Variants in HPS3 observed in about 807,000 individuals in gnomAD.
HPS3 encodes the protein BLOC-2 complex member HPS3.
HPS3 carries 79 observed loss-of-function variants against 110.9 expected under a neutral mutation model. The ratio of observed to expected loss-of-function variants is 0.71; its 90% CI spans 0.59 to 0.86. HPS3 has a LOEUF of 0.86. Ranked by LOEUF, HPS3 falls within the 40% of genes least tolerant of loss-of-function variation. The pLI, the probability that HPS3 is intolerant of heterozygous loss-of-function variation, is 0.00. For synonymous variants in HPS3, 428 were observed against 451.0 expected (o/e 0.95, Z 0.65); for missense variants, 1,197 against 1,206.2 (o/e 0.99, Z 0.11).
At chr3:149,169,979 G>A (rs935540530) in intron 16 of HPS3, among the ~76,000 whole-genome samples, 9 of 152,222 alleles carry the variant, frequency 5.9e-5, no homozygotes, top group African/African-American at 2.2e-4. Flanking sequence ...GCTGGTGAGT[G>A]GAGTAGAGCA....
At chr3:149,137,746 T>G (rs1207418905) in intron 1 of HPS3, among the ~76,000 whole-genome samples, 3 of 152,208 alleles carry the variant, frequency 2.0e-5, no homozygotes, top group Non-Finnish European at 4.4e-5. Context: ...ATGGTTCAAC[T>G]TACATGAGGT....
At chr3:149,152,143 T>C (rs1576680121) in intron 6 of HPS3, among the ~76,000 whole-genome samples, 1 of 152,348 alleles carries the variant, frequency 6.6e-6, no homozygotes, top group East Asian at 1.9e-4. Context: ...GATACACACA[T>C]GGCCTTTTTG....
chr3:149,162,827 G>A lies in HPS3; in HGVS notation c.2430G>A (p.Leu810=), dbSNP rs544198427. 1.4e-5 allele frequency: 22 copies of A among 1,614,070 alleles called. 1 individual carries two copies. The South Asian group carries it at 2.4e-4, about 18-fold the overall frequency. Residue 810 remains leucine, a synonymous_variant, in exon 13 of 17, where the codon TTG becomes TTA. Transcript: ENST00000296051. ...FKLTSQYIWR[L]SKRQPPDTTP... Reference sequence around the variant, plus strand: ...TCACATCACAGTACATCTGGAGATTGTCTAAGAGGCAGCCTCCTGACACCA... The same window carrying A: ...TCACATCACAGTACATCTGGAGATTATCTAAGAGGCAGCCTCCTGACACCA...
chr3:149,158,977 A>G (rs1723626407), intron 10 of HPS3, 131 bp downstream of exon 10: 1 of 659,344 alleles, frequency 1.5e-6, no homozygotes, highest in African/African-American at 1.8e-5. Context: ...TAAAAAAGTA[A>G]TGTGACCTTT....
In HPS3 at chr3:149,173,319, A is replaced by G. The variant is rs1358928936; in HGVS notation, c.*1097A>G. The G allele has an allele frequency of 6.3e-6, 1 of 157,536 alleles. No homozygotes were observed. The highest frequency in any genetic ancestry group is 1.8e-4 in the East Asian group (1 of 5,468). The allele number at this position is 157,536 out of a possible 1,614,324, so 9.8% of individuals were successfully genotyped here. A position where few individuals can be genotyped will look rare whatever the true frequency, so the allele number is the denominator to read the frequency against. On this transcript the variant is annotated 3_prime_UTR_variant, in exon 17 of 17. Coordinates refer to ENST00000296051, the MANE Select transcript of HPS3 (RefSeq NM_032383.5). ...GAATATTAGGTGTGATGTCAACAGC[A>G]TGTTAGAAGGATCAATGGGAAGGCA...
chr3:149,140,353 T>A lies in HPS3; in HGVS notation c.567T>A (p.Val189=). The part of the protein sequence containing the change: ...LIIHIDNITP[V]EVSFCVGYVA... Reference sequence around the variant, plus strand: ...TACACATAGATAATATCACTCCTGTTGAGGTTTCTTTTTGTGTTGGATATG... The same window carrying A: ...TACACATAGATAATATCACTCCTGTAGAGGTTTCTTTTTGTGTTGGATATG... The change falls in exon 2 of 17, where the codon GTT becomes GTA. Residue 189 remains valine (V), a synonymous_variant. Coordinates refer to ENST00000296051, the MANE Select transcript of HPS3 (RefSeq NM_032383.5). 6.2e-7 allele frequency: 1 copy of A among 1,611,054 alleles called. No homozygotes were observed. Among genetic ancestry groups the A allele is most frequent in the Non-Finnish European group, 8.5e-7 (1 of 1,178,138 alleles).
chr3:149,152,214 A>G (rs533153996), intron 6 of HPS3, among the ~76,000 whole-genome samples: 3 of 152,356 alleles, frequency 2.0e-5, no homozygotes, highest in Non-Finnish European at 4.4e-5. Context: ...ACAGATTAAA[A>G]AAATAAAACT....
At position 149,160,875 on chromosome 3, in the gene HPS3, A is replaced by G. The variant is rs189792723; in HGVS notation, c.2106+596A>G. On this transcript the variant is annotated intron_variant, in intron 11 of 16. Coordinates refer to ENST00000296051, the MANE Select transcript of HPS3 (RefSeq NM_032383.5). ...CAGGCCTATTCTAAGCTCCTTGCAT[A>G]TATCATTTAATTCTTAATACTGCTA... Among the ~76,000 whole-genome samples, 223 of 152,332 alleles carry G rather than the reference A, an allele frequency of 1.5e-3. 2 individuals are homozygous for G. The highest frequency in any genetic ancestry group is 6.8e-3 in the Middle Eastern group (2 of 294).
At chr3:149,133,745 AT>A (rs945588935) in intron 1 of HPS3, among the ~76,000 whole-genome samples, 2 of 151,856 alleles carry the variant, frequency 1.3e-5, no homozygotes, top group African/African-American at 2.4e-5. Flanking sequence ...GATCGTTAGC[AT>A]TTTTTTTAGC....
intron 8 of HPS3, among the ~76,000 whole-genome samples, chr3:149,155,837 T>C (rs896028732): frequency 6.6e-6 from 1 of 152,080 alleles, no homozygotes. Context: ...AGTTCGAGAC[T>C]AGCCTGGGTA....
At chr3:149,130,214 A>C (rs577500550) in intron 1 of HPS3, 158 of 552,542 alleles carry the variant, frequency 2.9e-4, no homozygotes, top group Non-Finnish European at 4.7e-4. Flanking sequence ...CTCTGGCTGG[A>C]TTCCACTCAT....
At chr3:149,142,880 T>A (rs998968574) in intron 4 of HPS3, among the ~76,000 whole-genome samples, 1 of 152,064 alleles carries the variant, frequency 6.6e-6, no homozygotes, top group African/African-American at 2.4e-5. Flanking sequence ...TGACCTCATC[T>A]TGAGGTCAGG....
chr3:149,172,319 C>CTCACACACAA lies in HPS3; in HGVS notation c.*97_*98insTCACACACAA. 4.8e-6 allele frequency: 1 copy of CTCACACACAA among 208,604 alleles called. No individual in the cohort carries two copies. Among genetic ancestry groups the CTCACACACAA allele is most frequent in the Non-Finnish European group, 8.9e-6 (1 of 112,962 alleles). 12.9% of individuals were successfully genotyped at this position (208,604 alleles called of 1,614,324 possible). A position where few individuals can be genotyped will look rare whatever the true frequency, so the allele number is the denominator to read the frequency against. ...TAGAGGAGTTTTTTATTTTATATATCACACACACACACACACACACACACA... is the reference window on the plus strand; with the variant it reads ...TAGAGGAGTTTTTTATTTTATATATCTCACACACAAACACACACACACACACACACACACA... On this transcript the variant is annotated 3_prime_UTR_variant, in exon 17 of 17. Coordinates refer to ENST00000296051, the MANE Select transcript of HPS3 (RefSeq NM_032383.5).
intron 8 of HPS3, among the ~76,000 whole-genome samples, chr3:149,157,133 T>G (rs1177394741): frequency 6.6e-6 from 1 of 152,202 alleles, no homozygotes; most frequent in Non-Finnish European, 1.5e-5. Context: ...AAGGTATTAT[T>G]TATAATCATG....
chr3:149,145,639 A>G, intron 5 of HPS3, 93 bp downstream of exon 5: 2 of 949,968 alleles, frequency 2.1e-6, no homozygotes, highest in East Asian at 2.4e-5. Flanking sequence ...GTGAACTAGC[A>G]TAGAGTACTA....
In HPS3 at chr3:149,141,398, G is replaced by A. The variant is rs1054634505; in HGVS notation, c.970+18G>A. 1 of 1,590,442 alleles carries A rather than the reference G, an allele frequency of 6.3e-7. No homozygotes were observed. Among genetic ancestry groups the A allele is most frequent in the Non-Finnish European group, 8.6e-7 (1 of 1,158,404 alleles). On this transcript the variant is annotated intron_variant, in intron 4 of 16. Transcript: ENST00000296051. ...CCAGACCGGTAAGCATGACAGTGCA[G>A]GAGTGCGACAGTGCAGCAAGGTGAA...
rs1184172225 is a variant in HPS3 at position 149,172,326 on chromosome 3, A to T, written c.*104A>T. On this transcript the variant is annotated 3_prime_UTR_variant, in exon 17 of 17. Transcript: ENST00000296051. Reference sequence around the variant, plus strand: ...GTTTTTTATTTTATATATCACACACACACACACACACACACACACACACAC... The same window carrying T: ...GTTTTTTATTTTATATATCACACACTCACACACACACACACACACACACAC... The T allele has an allele frequency of 1.8e-5, 12 of 664,438 alleles. No individual in the cohort carries two copies. Among genetic ancestry groups the T allele is most frequent in the South Asian group, 5.1e-5 (3 of 58,938 alleles). The allele number at this position is 664,438 out of a possible 1,614,324, so 41.2% of individuals were successfully genotyped here.
chr3:149,145,409 CT>C lies in HPS3; in HGVS notation c.1030del (p.Cys344AlafsTer20), dbSNP rs1452976388. The C allele has an allele frequency of 6.2e-7, 1 of 1,614,022 alleles. No individual in the cohort carries two copies. The highest frequency in any genetic ancestry group is 2.2e-5 in the East Asian group (1 of 44,876). On this transcript the variant is annotated frameshift_variant, in exon 5 of 17. Coordinates refer to ENST00000296051, the MANE Select transcript of HPS3 (RefSeq NM_032383.5). LOFTEE classifies it high-confidence loss of function. ...LSQEKELLSL[F>X]CFFSLPHVGY... The stretch of plus-strand genomic sequence containing the variant: ...CTCAGGAAAAAGAATTGCTGAGTCT[CT>C]TTTGCTTTTTCTCCTTACCTCATGT...
At chr3:149,152,129 A>G (rs573096563) in intron 6 of HPS3, among the ~76,000 whole-genome samples, 4 of 152,208 alleles carry the variant, frequency 2.6e-5, no homozygotes, top group Non-Finnish European at 4.4e-5. Flanking sequence ...CTTTGTTTGT[A>G]TAAGATACAC....
Sources: allele counts gnomAD v4.1 joint callset (sites outside exome capture counted in the v4.1 genomes callset), GRCh38; gene constraint gnomAD v4.1.1; transcripts MANE v1.5; gene names NCBI Gene and HGNC (gene_info 2026-07-23, HGNC 2026-07-21).